Variants in CFH observed in about 807,000 individuals in gnomAD.
CFH encodes H factor 1 (complement).
CFH carries 53 observed loss-of-function variants against 147.3 expected under a neutral mutation model. The observed-to-expected ratio is 0.36, with a 90% CI of 0.29 to 0.45. The LOEUF is 0.45. CFH is among the 20% of genes least tolerant of loss of function. The pLI, the probability that CFH is intolerant of heterozygous loss-of-function variation, is 1.00. For synonymous variants in CFH, 536 were observed against 489.4 expected, an observed-to-expected ratio of 1.10 and a Z score of -1.26; for missense variants, 1,380 against 1,498.0, an observed-to-expected ratio of 0.92 and a Z score of 1.30.
At chr1:196,681,727 T>A (rs958112893) in intron 6 of CFH, among the ~76,000 whole-genome samples, 1 of 151,824 alleles carries the variant, frequency 6.6e-6, no homozygotes. Context: ...TAGTTAAGCA[T>A]ACACTCTCTC....
In CFH at chr1:196,690,128, G is replaced by A. The variant is rs781412871; in HGVS notation, c.1225G>A (p.Gly409Ser). The change falls in exon 9 of 22, where the codon GGT becomes AGT. Residue 409 changes from glycine to serine, a missense_variant. Transcript: ENST00000367429. ...AAATCATGGAAGAAAGTTTGTACAG[G>A]GTAAATCTATAGACGTTGCCTGCCA... ...NQNHGRKFVQ[G>S]KSIDVACHPG... is the part of the protein sequence containing the mutation. 2 of 1,612,886 alleles carry A rather than the reference G, an allele frequency of 1.2e-6. No individual in the cohort carries two copies. The highest frequency in any genetic ancestry group is 1.3e-5 in the African/African-American group (1 of 74,950).
chr1:196,690,199 G>A lies in CFH; in HGVS notation c.1296G>A (p.Met432Ile), dbSNP rs1328460805. ...AAGCGCAGACCACAGTTACATGTATGGAGAATGGCTGGTCTCCTACTCCCA... is the reference window on the plus strand; with the variant it reads ...AAGCGCAGACCACAGTTACATGTATAGAGAATGGCTGGTCTCCTACTCCCA... ...LPKAQTTVTC[M>I]ENGWSPTPRC... Residue 432 changes from methionine to isoleucine, a missense_variant, in exon 9 of 22, where the codon ATG becomes ATA. Met to Ile is a conservative substitution (Grantham distance 10). Coordinates refer to ENST00000367429, the MANE Select transcript of CFH (RefSeq NM_000186.4). The A allele has an allele frequency of 6.2e-7, 1 of 1,613,398 alleles. No individual in the cohort carries two copies. The highest frequency in any genetic ancestry group is 8.5e-7 in the Non-Finnish European group (1 of 1,179,632).
chr1:196,693,646 G>A (rs1010628646), intron 9 of CFH, among the ~76,000 whole-genome samples: 1 of 152,018 alleles, frequency 6.6e-6, no homozygotes, highest in African/African-American at 2.4e-5. Flanking sequence ...AGACTACTAA[G>A]TGACTAACAG....
intron 1 of CFH, among the ~76,000 whole-genome samples, chr1:196,671,287 C>A (rs1470432612): frequency 6.6e-6 from 1 of 152,134 alleles, no homozygotes; most frequent in African/African-American, 2.4e-5. Context: ...TCTAGTTCTA[C>A]TGAATATTTA....
chr1:196,718,188 C>CT (rs1668917212), intron 11 of CFH, among the ~76,000 whole-genome samples: 1 of 151,844 alleles, frequency 6.6e-6, no homozygotes, highest in Non-Finnish European at 1.5e-5. Flanking sequence ...GTCTACTTAT[C>CT]CAGAGATTTT....
rs34615695 is a variant in CFH, at chr1:196,653,370, C to G, written c.58+1195C>G. On this transcript the variant is annotated intron_variant, in intron 1 of 21. Coordinates refer to ENST00000367429, the MANE Select transcript of CFH (RefSeq NM_000186.4). ...TATAATTAGTATTTTAAAATGAAAC[C>G]TTTTTGTATTTACAAACAGTTCCAG... Among the ~76,000 whole-genome samples the G allele has an allele frequency of 4.4e-3, 665 of 151,590 alleles. 5 individuals are homozygous for G. The highest frequency in any genetic ancestry group is 0.016 in the African/African-American group (643 of 41,468).
chr1:196,743,396 T>C, intron 19 of CFH, 56 bp from the exon 20 acceptor site: 5 of 1,602,818 alleles, frequency 3.1e-6, no homozygotes, highest in Non-Finnish European at 4.3e-6. Flanking sequence ...TGTTATCAGT[T>C]GATTTGCTAC....
At chr1:196,724,075 C>T (rs1669068107) in intron 11 of CFH, among the ~76,000 whole-genome samples, 1 of 152,098 alleles carries the variant, frequency 6.6e-6, no homozygotes, top group Non-Finnish European at 1.5e-5. Flanking sequence ...AGCCCACAAG[C>T]AGGTTGCTCT....
intron 15 of CFH, among the ~76,000 whole-genome samples, 155 bp downstream of exon 15, chr1:196,728,677 A>T (rs1293938784): frequency 6.6e-6 from 1 of 151,946 alleles, no homozygotes; most frequent in African/African-American, 2.4e-5. Flanking sequence ...TGTTCCTAAT[A>T]TTAACTGTGC....
chr1:196,705,001 G>A (rs1668551737), intron 9 of CFH, among the ~76,000 whole-genome samples: 1 of 152,176 alleles, frequency 6.6e-6, no homozygotes, highest in South Asian at 2.1e-4. Context: ...GGAAGACTCT[G>A]ACACTAAAGC....
intron 19 of CFH, among the ~76,000 whole-genome samples, chr1:196,742,752 A>G (rs938876069): frequency 6.6e-6 from 1 of 152,230 alleles, no homozygotes; most frequent in African/African-American, 2.4e-5. Flanking sequence ...CCGAGTGAGA[A>G]GCATTGCTAT....
chr1:196,713,664 C>T, intron 9 of CFH, 71 bp from the exon 10 acceptor site: 2 of 966,188 alleles, frequency 2.1e-6, no homozygotes, highest in South Asian at 3.1e-5. Context: ...TTTATATTTA[C>T]ATATTACTTA....
intron 1 of CFH, among the ~76,000 whole-genome samples, chr1:196,652,819 G>A (rs537657047): frequency 1.8e-4 from 28 of 151,924 alleles, no homozygotes; most frequent in Middle Eastern, 3.8e-3. Flanking sequence ...GTCTTTTGGA[G>A]TAGTGAATAT....
chr1:196,728,712 T>G (rs1168635216), intron 15 of CFH, among the ~76,000 whole-genome samples, 190 bp downstream of exon 15: 1 of 147,634 alleles, frequency 6.8e-6, no homozygotes, highest in Non-Finnish European at 1.5e-5. Flanking sequence ...ACCTTTAGTA[T>G]AAACACACAC....
intron 11 of CFH, among the ~76,000 whole-genome samples, chr1:196,717,133 A>G (rs1435806033): frequency 6.6e-6 from 1 of 152,138 alleles, no homozygotes; most frequent in Non-Finnish European, 1.5e-5. Context: ...AGACATAAAA[A>G]TAAGGAAATT....
intron 11 of CFH, among the ~76,000 whole-genome samples, chr1:196,724,068 C>G (rs890798924): frequency 3.3e-5 from 5 of 151,956 alleles, no homozygotes; most frequent in African/African-American, 1.2e-4. Flanking sequence ...CATTTTCAGC[C>G]CACAAGCAGG....
intron 1 of CFH, among the ~76,000 whole-genome samples, chr1:196,658,720 C>T (rs560083315): frequency 4.7e-4 from 71 of 152,074 alleles, no homozygotes; most frequent in African/African-American, 1.6e-3. Context: ...CCACCGCGCC[C>T]GGCCTGCTCA....
chr1:196,677,416 A>T, intron 4 of CFH, 60 bp from the exon 5 acceptor site: 3 of 1,479,428 alleles, frequency 2.0e-6, no homozygotes, highest in Non-Finnish European at 2.8e-6. Flanking sequence ...ATACATACAC[A>T]TATTTTTCAC....
chr1:196,678,301 C>A (rs1187104595), intron 5 of CFH: 1 of 153,202 alleles, frequency 6.5e-6, no homozygotes, highest in Non-Finnish European at 1.5e-5. Flanking sequence ...TTTTTTTAGT[C>A]ATAATACTGC....
Sources: gnomAD v4.1 joint callset for allele counts (sites outside exome capture counted in the v4.1 genomes callset) on GRCh38, gnomAD v4.1.1 for gene constraint, MANE v1.5 for transcripts, NCBI Gene and HGNC (gene_info 2026-07-23, HGNC 2026-07-21) for gene names.